LRBA: variants seen among roughly 807,000 people sequenced by gnomAD.
LRBA encodes LPS responsive beige-like anchor protein.
In LRBA, 176 loss-of-function variants were observed where a neutral mutation model predicts 330.0. That is an observed-to-expected ratio of 0.53 (90% CI 0.47 to 0.60). The LOEUF (loss-of-function observed/expected upper bound fraction) is 0.60, where lower values mean the gene tolerates loss of function less well. Among genes scored for constraint, LRBA ranks in the 20% least tolerant of loss-of-function variants. The pLI is 0.00. For missense variants in LRBA, 3,259 were observed against 3,444.8 expected (o/e 0.95, Z 1.35); for synonymous variants, 1,230 against 1,193.0 (o/e 1.03, Z -0.64).
chr4:150,308,978 T>C (rs1730717151), intron 52 of LRBA, among the ~76,000 whole-genome samples: 1 of 152,202 alleles, frequency 6.6e-6, no homozygotes, highest in Non-Finnish European at 1.5e-5. Context: ...TCTACAGTAG[T>C]GTACAGTCAT....
intron 47 of LRBA, among the ~76,000 whole-genome samples, chr4:150,361,270 G>T (rs760509145): frequency 3.3e-5 from 5 of 152,020 alleles, no homozygotes; most frequent in Non-Finnish European, 7.4e-5. Context: ...TAGTTAATAG[G>T]GTCAGTCTTT....
chr4:150,478,627 T>G (rs1756971298), intron 42 of LRBA, among the ~76,000 whole-genome samples: 1 of 152,312 alleles, frequency 6.6e-6, no homozygotes, highest in South Asian at 2.1e-4. Flanking sequence ...CTTCCTAATA[T>G]CACTAAGTTC....
In LRBA at chr4:150,302,691, G is replaced by A. The variant is rs374359546; in HGVS notation, c.7951C>T (p.Arg2651Cys). 6.2e-6 allele frequency: 10 copies of A among 1,612,512 alleles called. No individual in the cohort carries two copies. Among genetic ancestry groups the A allele is most frequent in the African/African-American group, 1.3e-5 (1 of 74,840 alleles). ...TACCACAGCAAAAGAGTTGCATCACGTGACCCTGAGAGAATGTAGCAATTT... is the reference window on the plus strand; with the variant it reads ...TACCACAGCAAAAGAGTTGCATCACATGACCCTGAGAGAATGTAGCAATTT... ...GGNCYILSGS[R>C]DATLLLWYWN... The change falls in exon 53 of 57, where the codon CGT (arginine) becomes TGT (cysteine). Residue 2651 changes from arginine to cysteine, a missense_variant. By Grantham distance (180) the Arg-to-Cys change is radical. Coordinates refer to ENST00000651943, the MANE Select transcript of LRBA (RefSeq NM_001364905.1).
chr4:150,819,025 T>C (rs1242476330), intron 30 of LRBA, among the ~76,000 whole-genome samples: 2 of 151,988 alleles, frequency 1.3e-5, no homozygotes, highest in East Asian at 1.9e-4. Flanking sequence ...TATGCAGATA[T>C]AGTAAATTTT....
intron 40 of LRBA, among the ~76,000 whole-genome samples, chr4:150,563,533 G>A (rs10015104): frequency 0.39 from 59,435 of 152,020 alleles, 13,926 homozygotes; most frequent in South Asian, 0.5. Flanking sequence ...GTTCTGGCCA[G>A]GGCAATCAGG....
chr4:150,312,325 T>A (rs76038081), intron 51 of LRBA, among the ~76,000 whole-genome samples: 5,497 of 152,204 alleles, frequency 0.036, 244 homozygotes, highest in African/African-American at 0.097. Flanking sequence ...TAAGACTTCC[T>A]AAGAGATACA....
intron 47 of LRBA, among the ~76,000 whole-genome samples, chr4:150,369,819 T>A (rs1192652243): frequency 6.6e-6 from 1 of 152,186 alleles, no homozygotes; most frequent in Non-Finnish European, 1.5e-5. Context: ...TATAGTACTG[T>A]CCTCCATGCC....
chr4:150,632,985 C>T (rs1350113507), intron 37 of LRBA, among the ~76,000 whole-genome samples: 1 of 152,178 alleles, frequency 6.6e-6, no homozygotes, highest in Non-Finnish European at 1.5e-5. Flanking sequence ...CTCATCCAAA[C>T]TTTTGGCTAT....
At chr4:150,513,633 T>C (rs576933052) in intron 40 of LRBA, among the ~76,000 whole-genome samples, 3 of 152,298 alleles carry the variant, frequency 2.0e-5, no homozygotes, top group South Asian at 2.1e-4. Context: ...GCCAGTTTGG[T>C]TCCTGCTGAG....
chr4:150,476,529 C>A (rs914066164), intron 42 of LRBA, among the ~76,000 whole-genome samples: 1 of 152,166 alleles, frequency 6.6e-6, no homozygotes, highest in Non-Finnish European at 1.5e-5. Flanking sequence ...AAGCCCCCTA[C>A]ACCACCACCA....
At chr4:150,818,532 C>CTGTGTGTGTGTGTGTGTGTGTG (rs74479974) in intron 30 of LRBA, among the ~76,000 whole-genome samples, 3 of 145,908 alleles carry the variant, frequency 2.1e-5, no homozygotes, top group East Asian at 2.0e-4. Flanking sequence ...TGACGAATGT[C>CTGTGTGTGTGTGTGTGTGTGTG]TGTGTGTGTG....
At chr4:150,487,606 G>T in intron 42 of LRBA, 126 bp downstream of exon 42, 1 of 453,150 alleles carries the variant, frequency 2.2e-6, no homozygotes, top group Non-Finnish European at 3.9e-6. Flanking sequence ...AAAACAGAAA[G>T]TTATAAATTT....
At chr4:150,595,378 T>G (rs1460128339) in intron 38 of LRBA, among the ~76,000 whole-genome samples, 1 of 151,972 alleles carries the variant, frequency 6.6e-6, no homozygotes, top group Non-Finnish European at 1.5e-5. Context: ...ATTGAAGTTA[T>G]GAGACAATGG....
Position 150,799,087 on chromosome 4 carries a change from C to T in LRBA, c.5519-945G>A, listed in dbSNP as rs751514233. 2.6e-4 allele frequency among the ~76,000 whole-genome samples: 39 copies of T among 152,082 alleles called. 1 individual carries two copies. The highest frequency in any genetic ancestry group is 3.3e-4 in the Admixed American group (5 of 15,254). On this transcript the variant is annotated intron_variant, in intron 33 of 56. Transcript: ENST00000651943. ...TTCTTTCTCCTTCCCCGTTTAAATA[C>T]GAATGCTTCCAACCTAATGATAGCG... is the stretch of plus-strand genomic sequence containing the variant.
In LRBA at chr4:150,599,078, C is replaced by A. The variant is rs1382833948; in HGVS notation, c.5975G>T (p.Arg1992Leu). 1.2e-6 allele frequency: 2 copies of A among 1,614,076 alleles called. No individual in the cohort carries two copies. The highest frequency in any genetic ancestry group is 1.3e-5 in the African/African-American group (1 of 75,030). ...LDYWEDDLRR[R>L]RRFVRNPLGS... is the part of the protein sequence containing the mutation. ...TAGAGGGTTACGCACAAATCGTCGCCGGCGCCGCAAGTCATCTTCCCAGTA... is the reference window on the plus strand; with the variant it reads ...TAGAGGGTTACGCACAAATCGTCGCAGGCGCCGCAAGTCATCTTCCCAGTA... The change falls in exon 38 of 57, where the codon CGG becomes CTG. Residue 1992 changes from arginine to leucine, a missense_variant. Coordinates refer to ENST00000651943, the MANE Select transcript of LRBA (RefSeq NM_001364905.1).
intron 44 of LRBA, among the ~76,000 whole-genome samples, chr4:150,444,967 A>G (rs1045314098): frequency 2.6e-5 from 4 of 152,174 alleles, no homozygotes; most frequent in African/African-American, 9.6e-5. Flanking sequence ...AAAATAATCT[A>G]TTAATCCAAT....
At chr4:150,342,266 C>A (rs1735686767) in intron 48 of LRBA, among the ~76,000 whole-genome samples, 1 of 151,674 alleles carries the variant, frequency 6.6e-6, no homozygotes, top group African/African-American at 2.4e-5. Flanking sequence ...CAGAAAATGA[C>A]CAACTTTTAT....
At chr4:150,744,008 A>C (rs1732363670) in intron 35 of LRBA, among the ~76,000 whole-genome samples, 2 of 152,298 alleles carry the variant, frequency 1.3e-5, no homozygotes, top group East Asian at 3.9e-4. Flanking sequence ...TCTTCCAGCT[A>C]CTTTAGAAGT....
intron 42 of LRBA, among the ~76,000 whole-genome samples, chr4:150,486,750 C>T (rs894664376): frequency 5.9e-5 from 9 of 151,638 alleles, no homozygotes; most frequent in Admixed American, 5.3e-4. Flanking sequence ...ACTATTCCTC[C>T]TAACTAAAAT....
Sources: allele counts gnomAD v4.1 joint callset (sites outside exome capture counted in the v4.1 genomes callset), GRCh38; gene constraint gnomAD v4.1.1; transcripts MANE v1.5; gene names NCBI Gene and HGNC (gene_info 2026-07-23, HGNC 2026-07-21).